Variants in DAB1 observed in about 807,000 individuals in gnomAD.
The protein encoded by DAB1 is DAB adaptor protein 1.
A neutral mutation model predicts 64.6 loss-of-function variants in DAB1; 15 were observed. The observed-to-expected ratio is 0.23, with a 90% CI of 0.16 to 0.36. The LOEUF (loss-of-function observed/expected upper bound fraction) is 0.36, where lower values mean the gene tolerates loss of function less well. DAB1 is among the 10% of genes least tolerant of loss of function. The pLI, the probability that DAB1 is intolerant of heterozygous loss-of-function variation, is 1.00. For missense variants in DAB1, 596 were observed against 706.7 expected, an observed-to-expected ratio of 0.84 and a Z score of 1.78; for synonymous variants, 235 against 251.9, an observed-to-expected ratio of 0.93 and a Z score of 0.64.
At chr1:58,505,237 A>C (rs1017680387) in intron 3 of DAB1, among the ~76,000 whole-genome samples, 3 of 152,158 alleles carry the variant, frequency 2.0e-5, no homozygotes, top group African/African-American at 7.2e-5. Flanking sequence ...CAGGCATGAG[A>C]AAGATACTTC....
intron 5 of DAB1, among the ~76,000 whole-genome samples, chr1:57,938,688 G>C (rs1307302944): frequency 6.6e-6 from 1 of 152,056 alleles, no homozygotes; most frequent in Non-Finnish European, 1.5e-5. Context: ...TGTCTTTACA[G>C]CATGTGAAAA....
At chr1:58,076,344 G>A (rs548453509) in intron 5 of DAB1, among the ~76,000 whole-genome samples, 1 of 152,280 alleles carries the variant, frequency 6.6e-6, no homozygotes, top group African/African-American at 2.4e-5. Context: ...CACCCAGGAA[G>A]TCTCACACAA....
At chr1:58,231,190 G>T (rs1245313635) in intron 4 of DAB1, among the ~76,000 whole-genome samples, 4 of 152,248 alleles carry the variant, frequency 2.6e-5, no homozygotes, top group Non-Finnish European at 5.9e-5. Flanking sequence ...AGTCGAGAGA[G>T]TGTGAGTGAG....
At chr1:57,411,125 C>T (rs1684075144) in intron 1 of DAB1, among the ~76,000 whole-genome samples, 1 of 152,270 alleles carries the variant, frequency 6.6e-6, no homozygotes, top group African/African-American at 2.4e-5. Flanking sequence ...CCAAATATCT[C>T]TCTCCCATTT....
chr1:58,497,726 T>C (rs1396222533), intron 3 of DAB1, among the ~76,000 whole-genome samples: 1 of 152,180 alleles, frequency 6.6e-6, no homozygotes, highest in Non-Finnish European at 1.5e-5. Flanking sequence ...TCTAAATCAC[T>C]GGAAACTCTT....
intron 2 of DAB1, among the ~76,000 whole-genome samples, chr1:57,176,822 C>T (rs929771676): frequency 2.0e-5 from 3 of 151,760 alleles, no homozygotes; most frequent in Non-Finnish European, 4.4e-5. Flanking sequence ...GTCACAGGGG[C>T]AGGATGAGGA....
At chr1:57,131,778 G>A (rs1284646286) in intron 4 of DAB1, among the ~76,000 whole-genome samples, 1 of 152,054 alleles carries the variant, frequency 6.6e-6, no homozygotes, top group East Asian at 1.9e-4. Flanking sequence ...ATTGAATCCT[G>A]GGCCACTCTC....
chr1:57,553,458 A>AGAG (rs1644946018), intron 7 of DAB1, among the ~76,000 whole-genome samples: 2 of 132,138 alleles, frequency 1.5e-5, no homozygotes, highest in African/African-American at 3.0e-5. Flanking sequence ...GAAAGAAAGA[A>AGAG]AGAGAAAGGG....
chr1:57,124,321 T>A (rs1656933125), intron 4 of DAB1, among the ~76,000 whole-genome samples: 1 of 151,894 alleles, frequency 6.6e-6, no homozygotes, highest in Admixed American at 6.6e-5. Flanking sequence ...TATGAAAGAG[T>A]ATGCGTGTCT....
At chr1:57,676,338 A>T (rs1409924292) in intron 6 of DAB1, among the ~76,000 whole-genome samples, 1 of 152,246 alleles carries the variant, frequency 6.6e-6, no homozygotes, top group Non-Finnish European at 1.5e-5. Flanking sequence ...CAAGAAGCAG[A>T]TAAGAATGAT....
intron 7 of DAB1, among the ~76,000 whole-genome samples, chr1:57,503,731 C>G (rs1406746562): frequency 6.6e-6 from 1 of 152,230 alleles, no homozygotes; most frequent in South Asian, 2.1e-4. Flanking sequence ...TCCTGAAACA[C>G]TACTGTACAC....
intron 5 of DAB1, chr1:58,048,298 ATC>A: frequency 8.0e-7 from 1 of 1,246,332 alleles, no homozygotes; most frequent in Non-Finnish European, 1.2e-6. Context: ...TGCCTCCAAA[ATC>A]TCCCCCCTTC....
chr1:57,408,638 T>A (rs1683854625), intron 1 of DAB1, among the ~76,000 whole-genome samples: 3 of 152,066 alleles, frequency 2.0e-5, no homozygotes. Flanking sequence ...GCCAGCTGAG[T>A]CACTCTCAAT....
At chr1:57,245,418 C>T (rs197625) in intron 2 of DAB1, among the ~76,000 whole-genome samples, 75,503 of 151,960 alleles carry the variant, frequency 0.5, 19,985 homozygotes, top group Admixed American at 0.62. Context: ...TCTCCTAATG[C>T]TATCCCTCCC....
chr1:57,891,276 C>T (rs542013539), intron 5 of DAB1, among the ~76,000 whole-genome samples: 245 of 152,278 alleles, frequency 1.6e-3, no homozygotes, highest in African/African-American at 5.7e-3. Flanking sequence ...CATCACTGGT[C>T]ATTAGATAAA....
intron 5 of DAB1, among the ~76,000 whole-genome samples, chr1:57,972,545 A>T (rs1466961401): frequency 3.3e-5 from 5 of 152,132 alleles, no homozygotes; most frequent in Non-Finnish European, 7.3e-5. Flanking sequence ...ACACCTGGCC[A>T]ATTTTTTCAC....
chr1:58,424,938 G>A (rs1195528528), intron 3 of DAB1, among the ~76,000 whole-genome samples: 2 of 121,158 alleles, frequency 1.7e-5, no homozygotes, highest in African/African-American at 5.8e-5. Context: ...AGTTTGGAAG[G>A]CAATGTGTGG....
chr1:58,231,186 G>A (rs1659759896), intron 4 of DAB1, among the ~76,000 whole-genome samples: 1 of 152,224 alleles, frequency 6.6e-6, no homozygotes, highest in Non-Finnish European at 1.5e-5. Context: ...ACTGAGTCGA[G>A]AGAGTGTGAG....
intron 5 of DAB1, among the ~76,000 whole-genome samples, chr1:57,910,684 T>C (rs781018540): frequency 2.0e-5 from 3 of 152,196 alleles, no homozygotes; most frequent in African/African-American, 7.2e-5. Context: ...TTCCAAGCTA[T>C]TACCAATATA....
Sources: gnomAD v4.1 joint callset for allele counts (sites outside exome capture counted in the v4.1 genomes callset) on GRCh38, gnomAD v4.1.1 for gene constraint, MANE v1.5 for transcripts, NCBI Gene and HGNC (gene_info 2026-07-23, HGNC 2026-07-21) for gene names.